Variants in LIFR observed in about 807,000 individuals in gnomAD.
LIFR encodes leukemia inhibitory factor receptor.
A neutral mutation model predicts 122.2 loss-of-function variants in LIFR; 84 were observed. The observed-to-expected ratio is 0.69, with a 90% CI of 0.58 to 0.82. The LOEUF is 0.82. Ranked by LOEUF, LIFR falls within the 40% of genes least tolerant of loss-of-function variation. LIFR has a pLI of 0.00. For missense variants in LIFR, 1,294 were observed against 1,311.6 expected (o/e 0.99, Z 0.21); for synonymous variants, 422 against 434.7 (o/e 0.97, Z 0.36).
At chr5:38,599,658 T>C (rs1413057257), upstream of LIFR, among the ~76,000 whole-genome samples, 2 of 152,198 alleles carry the variant, frequency 1.3e-5, no homozygotes, top group Admixed American at 1.3e-4. Flanking sequence ...AATCTATAGC[T>C]TATCTTCTCA....
chr5:38,494,745 G>GCAGGAGCCAGATGCT (rs1561141547), intron 13 of LIFR, among the ~76,000 whole-genome samples: 1 of 152,116 alleles, frequency 6.6e-6, no homozygotes, highest in Non-Finnish European at 1.5e-5. Flanking sequence ...AGTAATTGTC[G>GCAGGAGCCAGATGCT]CAGGAGCCAG....
At chr5:38,542,270 A>C (rs1239921364) in intron 1 of LIFR, among the ~76,000 whole-genome samples, 1 of 152,228 alleles carries the variant, frequency 6.6e-6, no homozygotes, top group East Asian at 1.9e-4. Context: ...AGGGTAAGGC[A>C]TCAATAAATC....
chr5:38,496,624 A>C, intron 12 of LIFR, 29 bp from the exon 13 acceptor site: 6 of 1,504,308 alleles, frequency 4.0e-6, no homozygotes, highest in Non-Finnish European at 5.5e-6. Flanking sequence ...TTGTTATAAA[A>C]CCCTGCAAAA....
chr5:38,523,351 A>T, intron 5 of LIFR, 68 bp downstream of exon 5: 1 of 1,329,756 alleles, frequency 7.5e-7, no homozygotes, highest in Non-Finnish European at 1.1e-6. Context: ...ATACCACCTT[A>T]AGGCTTCTTA....
At chr5:38,527,583 T>C (rs1746761902) in intron 3 of LIFR, among the ~76,000 whole-genome samples, 1 of 152,158 alleles carries the variant, frequency 6.6e-6, no homozygotes, top group Non-Finnish European at 1.5e-5. Flanking sequence ...CTTCCCTTTG[T>C]AGGCTGACTT....
chr5:38,563,922 C>A (rs1748921178), intron 1 of LIFR, among the ~76,000 whole-genome samples: 1 of 152,158 alleles, frequency 6.6e-6, no homozygotes, highest in South Asian at 2.1e-4. Flanking sequence ...ACTAGGATCT[C>A]ACCTACACCG....
chr5:38,506,155 A>C (rs1745466887), intron 8 of LIFR, 81 bp from the exon 9 acceptor site: 1 of 891,892 alleles, frequency 1.1e-6, no homozygotes, highest in African/African-American at 1.7e-5. Flanking sequence ...GTAATACTTA[A>C]TTTGTATAAA....
chr5:38,569,616 C>T (rs542726108), intron 1 of LIFR, among the ~76,000 whole-genome samples: 5 of 152,240 alleles, frequency 3.3e-5, no homozygotes, highest in Admixed American at 6.5e-5. Context: ...AACCCCAGTC[C>T]GTGGAGACAT....
chr5:38,486,554 C>T (rs1007723009), intron 16 of LIFR, among the ~76,000 whole-genome samples: 1 of 151,960 alleles, frequency 6.6e-6, no homozygotes, highest in Admixed American at 6.6e-5. Flanking sequence ...AAAATTTAAC[C>T]AGAATAATGC....
At chr5:38,579,868 A>G (rs889750681) in intron 1 of LIFR, among the ~76,000 whole-genome samples, 1 of 152,214 alleles carries the variant, frequency 6.6e-6, no homozygotes, top group Non-Finnish European at 1.5e-5. Flanking sequence ...AAATATCTTA[A>G]TATTCAACAG....
Position 38,492,080 on chromosome 5 carries a change from TG to T in LIFR, c.2065+1525del, listed in dbSNP as rs1231935042. Among the ~76,000 whole-genome samples the T allele has an allele frequency of 2.6e-5, 4 of 152,318 alleles. No homozygotes were observed. The East Asian group carries it at 7.7e-4, about 29-fold the overall frequency. ...AGGAATAAAAGGTGTGCCTACTATG[TG>T]CCACTTGCTGTTCCAGAAGCTCAGC... On this transcript the variant is annotated intron_variant, in intron 14 of 19. Coordinates refer to ENST00000453190, the MANE Select transcript of LIFR (RefSeq NM_001127671.2).
intron 1 of LIFR, among the ~76,000 whole-genome samples, chr5:38,563,214 A>G (rs1411795614): frequency 2.0e-5 from 3 of 152,214 alleles, no homozygotes. Context: ...AAGGGCTGAC[A>G]GAAACCTTTC....
intron 15 of LIFR, 93 bp from the exon 16 acceptor site, chr5:38,489,338 T>A: frequency 9.9e-7 from 1 of 1,006,438 alleles, no homozygotes; most frequent in Non-Finnish European, 1.5e-6. Flanking sequence ...CAAAAATAAT[T>A]CAACTTGGAA....
At chr5:38,574,660 T>C (rs1224856576) in intron 1 of LIFR, among the ~76,000 whole-genome samples, 1 of 152,200 alleles carries the variant, frequency 6.6e-6, no homozygotes, top group African/African-American at 2.4e-5. Flanking sequence ...CTCAGGTCTT[T>C]CAACGAAAGC....
chr5:38,519,880 CTT>C (rs1216522860), intron 5 of LIFR, among the ~76,000 whole-genome samples: 2 of 152,152 alleles, frequency 1.3e-5, no homozygotes, highest in Non-Finnish European at 2.9e-5. Context: ...CTACTGGACA[CTT>C]AGGTTGATTC....
At chr5:38,600,282 C>A (rs1750198799), upstream of LIFR, among the ~76,000 whole-genome samples, 1 of 152,180 alleles carries the variant, frequency 6.6e-6, no homozygotes, top group South Asian at 2.1e-4. Flanking sequence ...ACCCCAAGCA[C>A]CTTGGACACA....
Position 38,477,885 on chromosome 5 carries a change from T to C in LIFR, c.*3710A>G, listed in dbSNP as rs1031736459. The stretch of plus-strand genomic sequence containing the variant: ...CACTTTCAAAATAAGAAAAAAGGCA[T>C]TTCATAAAATGCACACAAATTTTAA... On this transcript the variant is annotated 3_prime_UTR_variant, in exon 20 of 20. Transcript: ENST00000453190. 3.7e-5 allele frequency: 8 copies of C among 215,410 alleles called. No individual in the cohort carries two copies. Among genetic ancestry groups the C allele is most frequent in the African/African-American group, 1.6e-4 (7 of 44,236 alleles). The allele number at this position is 215,410 out of a possible 1,614,324, so 13.3% of individuals were successfully genotyped here. A position where few individuals can be genotyped will look rare whatever the true frequency, so the allele number is the denominator to read the frequency against.
chr5:38,497,792 A>C lies in LIFR; in HGVS notation c.1672-1197T>G, dbSNP rs531816847. Among the ~76,000 whole-genome samples, 7 of 152,290 alleles carry C rather than the reference A, an allele frequency of 4.6e-5. No individual in the cohort carries two copies. The South Asian group carries it at 1.5e-3, about 32-fold the overall frequency. ...AATATATGCTAATATACGCTTGTCC[A>C]TAATACAGTTATATACATTTTCATG... On this transcript the variant is annotated intron_variant, in intron 12 of 19. Coordinates refer to ENST00000453190, the MANE Select transcript of LIFR (RefSeq NM_001127671.2).
intron 1 of LIFR, among the ~76,000 whole-genome samples, chr5:38,548,649 G>A (rs189054069): frequency 1.3e-5 from 2 of 152,012 alleles, no homozygotes; most frequent in East Asian, 1.9e-4. Flanking sequence ...CTCTATAAAA[G>A]GAAAGAAAGA....
Sources: allele counts gnomAD v4.1 joint callset (sites outside exome capture counted in the v4.1 genomes callset), GRCh38; gene constraint gnomAD v4.1.1; transcripts MANE v1.5; gene names NCBI Gene and HGNC (gene_info 2026-07-23, HGNC 2026-07-21).